Variants in CNBD1 observed in about 807,000 individuals in gnomAD.
CNBD1 encodes the protein cyclic nucleotide-binding domain-containing protein 1.
CNBD1 carries 71 observed loss-of-function variants against 54.4 expected under a neutral mutation model. The observed-to-expected ratio is 1.30, with a 90% CI of 1.08 to 1.59. The LOEUF is 1.59. CNBD1 is among the 40% of genes most tolerant of loss of function. The pLI is 0.00. For missense variants in CNBD1, 659 were observed against 518.0 expected, an observed-to-expected ratio of 1.27 and a Z score of -2.64; for synonymous variants, 182 against 170.7, an observed-to-expected ratio of 1.07 and a Z score of -0.51.
chr8:87,369,444 T>C (rs995156308), intron 10 of CNBD1, among the ~76,000 whole-genome samples: 4 of 152,110 alleles, frequency 2.6e-5, no homozygotes, highest in African/African-American at 9.7e-5. Flanking sequence ...TACCACATTC[T>C]ATCCTTCCTT....
intron 6 of CNBD1, among the ~76,000 whole-genome samples, chr8:87,271,208 CA>C (rs1288742529): frequency 1.3e-5 from 2 of 151,478 alleles, no homozygotes; most frequent in Non-Finnish European, 3.0e-5. Flanking sequence ...TTTATCTTTT[CA>C]AAAAACCACC....
intron 6 of CNBD1, among the ~76,000 whole-genome samples, chr8:87,276,200 G>T (rs1214537384): frequency 6.6e-6 from 1 of 151,720 alleles, no homozygotes; most frequent in Non-Finnish European, 1.5e-5. Context: ...TACAATTAAT[G>T]TCTTCCTATC....
chr8:86,899,126 C>T lies in CNBD1; in HGVS notation c.159-5955C>T, dbSNP rs1021254736. 4.1e-5 allele frequency among the ~76,000 whole-genome samples: 6 copies of T among 144,854 alleles called. 1 individual carries two copies. In the Middle Eastern group the frequency reaches 0.014, roughly 347 times the overall value. On this transcript the variant is annotated intron_variant, in intron 2 of 10. Coordinates refer to ENST00000518476, the MANE Select transcript of CNBD1 (RefSeq NM_173538.3). ...CACTTATATGTGAAATTTAAAAAAA[C>T]GCAAATACAGAGATAGAGAACAGTG...
chr8:87,390,174 G>A (rs1350452434), intron 2 of CNBD1, among the ~76,000 whole-genome samples: 3 of 152,054 alleles, frequency 2.0e-5, no homozygotes, highest in Non-Finnish European at 2.9e-5. Flanking sequence ...ATACCATTCA[G>A]GACATAGGCA....
chr8:87,303,790 G>GA (rs561967457), intron 8 of CNBD1, among the ~76,000 whole-genome samples: 52,381 of 143,720 alleles, frequency 0.36, 9,777 homozygotes, highest in Middle Eastern at 0.44. Flanking sequence ...AAATTTACAA[G>GA]AAAAAAAATA....
In CNBD1 at chr8:86,907,847, G is replaced by T. The variant is rs537298617; in HGVS notation, c.272+2653G>T. ...TGAAACTCAGCTTATGTAAATCCAA[G>T]AAATTTTTAAAGGAATAAAACTGAT... On this transcript the variant is annotated intron_variant, in intron 3 of 10. Transcript: ENST00000518476. 3.9e-5 allele frequency among the ~76,000 whole-genome samples: 6 copies of T among 152,156 alleles called. No homozygotes were observed. In the South Asian group the frequency reaches 1.0e-3, roughly 26 times the overall value.
chr8:87,082,990 G>A lies in CNBD1; in HGVS notation c.432-123003G>A, dbSNP rs536508242. On this transcript the variant is annotated intron_variant, in intron 4 of 10. Transcript: ENST00000518476. ...ACCTTCAAATAATATCACCTCACAT[G>A]TTGTGTTTGAAAACTAAGCTCTGAT... 4.6e-5 allele frequency among the ~76,000 whole-genome samples: 7 copies of A among 152,218 alleles called. No individual in the cohort carries two copies. The South Asian group carries it at 1.5e-3, about 32-fold the overall frequency.
At chr8:87,320,618 GT>G (rs1192803346) in intron 8 of CNBD1, among the ~76,000 whole-genome samples, 34 of 123,728 alleles carry the variant, frequency 2.7e-4, no homozygotes, top group African/African-American at 1.1e-3. Context: ...ACGTGTGTGT[GT>G]GGGGGGGCGG....
chr8:86,883,877 C>T (rs1317055664), intron 1 of CNBD1, among the ~76,000 whole-genome samples: 9 of 151,950 alleles, frequency 5.9e-5, no homozygotes, highest in East Asian at 1.9e-4. Flanking sequence ...TTCGGCTGGG[C>T]GCGGTGGCTC....
chr8:87,056,524 G>A (rs924371332), intron 4 of CNBD1, among the ~76,000 whole-genome samples: 12 of 151,974 alleles, frequency 7.9e-5, no homozygotes, highest in Non-Finnish European at 1.6e-4. Context: ...ATATAAATAC[G>A]GGTTATAAAC....
At chr8:87,300,725 C>T (rs1808971212) in intron 8 of CNBD1, among the ~76,000 whole-genome samples, 1 of 151,908 alleles carries the variant, frequency 6.6e-6, no homozygotes, top group Non-Finnish European at 1.5e-5. Flanking sequence ...TATACACACA[C>T]ATTCTATTTC....
intron 4 of CNBD1, among the ~76,000 whole-genome samples, chr8:87,184,683 T>C (rs968698647): frequency 2.0e-5 from 3 of 152,004 alleles, no homozygotes; most frequent in African/African-American, 7.2e-5. Context: ...GGAAGGAGTC[T>C]GGTGCTTGGC....
At chr8:87,402,154 T>G (rs893471909) in intron 2 of CNBD1, among the ~76,000 whole-genome samples, 2 of 151,946 alleles carry the variant, frequency 1.3e-5, no homozygotes, top group Non-Finnish European at 2.9e-5. Context: ...AACAGCCTTT[T>G]ATAAAACCAT....
intron 6 of CNBD1, among the ~76,000 whole-genome samples, chr8:87,248,743 C>T (rs6415435): frequency 0.29 from 44,179 of 152,008 alleles, 7,137 homozygotes; most frequent in African/African-American, 0.43. Context: ...TTTGATGTCC[C>T]CTCATTGGGT....
At chr8:86,937,449 G>C (rs1809569713) in intron 3 of CNBD1, among the ~76,000 whole-genome samples, 1 of 152,058 alleles carries the variant, frequency 6.6e-6, no homozygotes, top group African/African-American at 2.4e-5. Context: ...GTCCCCCAAA[G>C]TCTTAACTCA....
intron 4 of CNBD1, among the ~76,000 whole-genome samples, chr8:87,102,274 A>C (rs753311475): frequency 2.0e-5 from 3 of 152,154 alleles, no homozygotes; most frequent in Non-Finnish European, 2.9e-5. Context: ...CTGAGTGGGC[A>C]TGGGTACAGG....
At chr8:87,015,475 A>C (rs1809335982) in intron 4 of CNBD1, among the ~76,000 whole-genome samples, 1 of 152,082 alleles carries the variant, frequency 6.6e-6, no homozygotes, top group South Asian at 2.1e-4. Context: ...GTGATCCATC[A>C]TGCCCAGCGA....
chr8:86,908,971 T>C (rs1809060382), intron 3 of CNBD1, among the ~76,000 whole-genome samples: 1 of 152,102 alleles, frequency 6.6e-6, no homozygotes, highest in Admixed American at 6.5e-5. Context: ...TTGGCTAGGA[T>C]GGTCTGGATC....
At chr8:87,136,377 CAATT>C (rs1169937259) in intron 4 of CNBD1, among the ~76,000 whole-genome samples, 4 of 149,828 alleles carry the variant, frequency 2.7e-5, no homozygotes, top group African/African-American at 4.9e-5. Context: ...TTTAACATCT[CAATT>C]AATGTGGAAG....
Sources: allele counts gnomAD v4.1 joint callset (sites outside exome capture counted in the v4.1 genomes callset), GRCh38; gene constraint gnomAD v4.1.1; transcripts MANE v1.5; gene names NCBI Gene and HGNC (gene_info 2026-07-23, HGNC 2026-07-21).